XKR6: variants seen among roughly 807,000 people sequenced by gnomAD.
XKR6 encodes XK related 6, also known as XK-related protein 6.
XKR6 carries 22 observed loss-of-function variants against 56.7 expected under a neutral mutation model. The ratio of observed to expected loss-of-function variants is 0.39; its 90% confidence interval spans 0.28 to 0.55. XKR6 has a LOEUF of 0.55. Among genes scored for constraint, XKR6 ranks in the 20% least tolerant of loss-of-function variants. XKR6 has a pLI of 0.66. For missense variants in XKR6, 852 were observed against 889.0 expected, an observed-to-expected ratio of 0.96 and a Z score of 0.53; for synonymous variants, 524 against 387.8, an observed-to-expected ratio of 1.35 and a Z score of -4.13.
chr8:11,069,792 G>C (rs1214429619), intron 1 of XKR6, among the ~76,000 whole-genome samples: 2 of 152,194 alleles, frequency 1.3e-5, no homozygotes, highest in Non-Finnish European at 2.9e-5. Context: ...GGATTTCCAA[G>C]AAGGGGATGT....
intron 1 of XKR6, among the ~76,000 whole-genome samples, chr8:11,072,596 G>C (rs140023909): frequency 1.4e-3 from 211 of 152,318 alleles, no homozygotes; most frequent in African/African-American, 4.9e-3. Flanking sequence ...AGAGAGAAGG[G>C]AGAGAACTCC....
intron 1 of XKR6, among the ~76,000 whole-genome samples, chr8:11,197,348 G>C (rs1412686973): frequency 1.3e-5 from 2 of 152,182 alleles, no homozygotes; most frequent in Non-Finnish European, 2.9e-5. Context: ...ACCTCTAAAA[G>C]TAACACAAAA....
Position 10,898,174 on chromosome 8 carries a change from C to T in XKR6, c.1704G>A (p.Met568Ile). The change falls in exon 3 of 3, where the codon ATG becomes ATA. Residue 568 changes from methionine (M) to isoleucine (I), a missense_variant. Physicochemically the swap from Met to Ile is conservative, Grantham distance 10 (BLOSUM62 1). Transcript: ENST00000416569. The surrounding 1 kb of genome is among the most constrained non-coding windows in gnomAD (Gnocchi z 6.6). ...GACGCCCCAACGGGGTAGGGGGCCCCATGGGTCTCACTTGGAAAACAGGCA... is the reference window on the plus strand; with the variant it reads ...GACGCCCCAACGGGGTAGGGGGCCCTATGGGTCTCACTTGGAAAACAGGCA... ...TCLPVFQVRP[M>I]GPPTPLGRPY... 1 of 1,614,056 alleles carries T rather than the reference C, an allele frequency of 6.2e-7. No individual in the cohort carries two copies. The highest frequency in any genetic ancestry group is 8.5e-7 in the Non-Finnish European group (1 of 1,179,974).
chr8:10,961,783 T>C (rs1021050178), intron 1 of XKR6, among the ~76,000 whole-genome samples: 1 of 152,212 alleles, frequency 6.6e-6, no homozygotes, highest in Non-Finnish European at 1.5e-5. Flanking sequence ...TTGCCCACAG[T>C]TGTCCAGTTC....
intron 1 of XKR6, among the ~76,000 whole-genome samples, chr8:11,097,470 TTC>T (rs1414965401): frequency 8.1e-6 from 1 of 123,824 alleles, no homozygotes; most frequent in Non-Finnish European, 1.8e-5. Context: ...GGGCAATATT[TTC>T]TTTTTTTTTT....
intron 1 of XKR6, among the ~76,000 whole-genome samples, chr8:11,041,973 G>A (rs1335937153): frequency 1.3e-5 from 2 of 152,156 alleles, no homozygotes; most frequent in African/African-American, 4.8e-5. Context: ...ATATATATAA[G>A]TGTGTGTATA....
chr8:11,141,250 T>C (rs963387662), intron 1 of XKR6, among the ~76,000 whole-genome samples: 4 of 152,194 alleles, frequency 2.6e-5, no homozygotes, highest in African/African-American at 7.2e-5. Context: ...TCTATAATAG[T>C]CTATCATCAC....
chr8:11,118,817 G>A (rs928998686), intron 1 of XKR6, among the ~76,000 whole-genome samples: 4 of 152,006 alleles, frequency 2.6e-5, no homozygotes, highest in Non-Finnish European at 5.9e-5. Flanking sequence ...CTTCAGTTCT[G>A]CCCTGATCTT....
chr8:10,948,086 C>T (rs923414300), intron 1 of XKR6, among the ~76,000 whole-genome samples: 23 of 152,152 alleles, frequency 1.5e-4, no homozygotes, highest in African/African-American at 5.3e-4. Flanking sequence ...GATATAACAG[C>T]GGCTGCCATT....
At chr8:11,087,119 T>A (rs1037848711) in intron 1 of XKR6, among the ~76,000 whole-genome samples, 5 of 152,212 alleles carry the variant, frequency 3.3e-5, no homozygotes, top group Non-Finnish European at 5.9e-5. Context: ...TAAACTCTTG[T>A]ACACTCTACA....
intron 1 of XKR6, among the ~76,000 whole-genome samples, chr8:11,052,472 A>G (rs1215729058): frequency 6.6e-6 from 1 of 152,206 alleles, no homozygotes; most frequent in Non-Finnish European, 1.5e-5. Flanking sequence ...CCGGACCGAC[A>G]CTGGCTGGCA....
chr8:11,075,534 C>G (rs1231849596), intron 1 of XKR6, among the ~76,000 whole-genome samples: 1 of 152,196 alleles, frequency 6.6e-6, no homozygotes, highest in Non-Finnish European at 1.5e-5. Flanking sequence ...ACTCAATCCT[C>G]ACAGCAATCT....
intron 1 of XKR6, chr8:11,124,776 G>T (rs961016313): frequency 2.0e-5 from 3 of 151,974 alleles, no homozygotes; most frequent in Non-Finnish European, 4.4e-5. Flanking sequence ...AAAATACAGG[G>T]CACTTTTTAA....
intron 1 of XKR6, chr8:11,194,977 G>C: frequency 1.9e-6 from 1 of 539,692 alleles, no homozygotes; most frequent in South Asian, 2.7e-5. Context: ...TACCATAAAT[G>C]TCAAGTTTTT....
intron 1 of XKR6, among the ~76,000 whole-genome samples, chr8:10,954,969 A>T (rs1466831551): frequency 3.4e-5 from 5 of 148,204 alleles, no homozygotes; most frequent in East Asian, 2.0e-4. Flanking sequence ...CCTGGGTTCA[A>T]GTGATTCTCC....
chr8:10,979,465 A>G (rs1391034118), intron 1 of XKR6, among the ~76,000 whole-genome samples: 1 of 152,012 alleles, frequency 6.6e-6, no homozygotes, highest in Non-Finnish European at 1.5e-5. Context: ...ATAAGGCAGC[A>G]GGACCTCCAC....
At chr8:11,068,367 G>C (rs1269900629) in intron 1 of XKR6, among the ~76,000 whole-genome samples, 1 of 152,172 alleles carries the variant, frequency 6.6e-6, no homozygotes, top group Non-Finnish European at 1.5e-5. Flanking sequence ...CTCTCAGTGA[G>C]CAATGGTCCC....
Position 11,200,651 on chromosome 8 carries a change from G to GC in XKR6, c.688dup (p.Ala230GlyfsTer54). On this transcript the variant is annotated frameshift_variant, in exon 1 of 3. Coordinates refer to ENST00000416569, the MANE Select transcript of XKR6 (RefSeq NM_173683.4). LOFTEE classifies it high-confidence loss of function. This position sits in a 1 kb window ranked among gnomAD's most constrained non-coding sequence, Gnocchi z 6.4. ...CACGGAGAGGCGACACAGGCGCTGC[G>GC]CCCCCGGCGTGGGGGAGACCCTCAC... 1 of 1,549,734 alleles carries GC rather than the reference G, an allele frequency of 6.5e-7. No individual in the cohort carries two copies. Among genetic ancestry groups the GC allele is most frequent in the Admixed American group, 2.1e-5 (1 of 47,066 alleles).
At chr8:10,986,879 C>T (rs924425481) in intron 1 of XKR6, among the ~76,000 whole-genome samples, 1 of 151,842 alleles carries the variant, frequency 6.6e-6, no homozygotes, top group South Asian at 2.1e-4. Flanking sequence ...GGGCTCAAGC[C>T]TTCTGCCTCA....
Sources: allele counts gnomAD v4.1 joint callset (sites outside exome capture counted in the v4.1 genomes callset), GRCh38; gene constraint gnomAD v4.1.1; non-coding constraint Gnocchi (gnomAD v3.1); transcripts MANE v1.5; gene names NCBI Gene and HGNC (gene_info 2026-07-23, HGNC 2026-07-21).